NRXN3: variants seen among roughly 807,000 people sequenced by gnomAD.
NRXN3 encodes neurexin III.
In NRXN3, 32 loss-of-function variants were observed where a neutral mutation model predicts 137.6. The ratio of observed to expected loss-of-function variants is 0.23; its 90% CI spans 0.18 to 0.31. The LOEUF (loss-of-function observed/expected upper bound fraction) is 0.31. Among genes scored for constraint, NRXN3 ranks in the 10% least tolerant of loss-of-function variants. The pLI is 1.00. For synonymous variants in NRXN3, 798 were observed against 784.5 expected, an observed-to-expected ratio of 1.02 and a Z score of -0.29; for missense variants, 1,574 against 2,062.5, an observed-to-expected ratio of 0.76 and a Z score of 4.59.
intron 15 of NRXN3, among the ~76,000 whole-genome samples, chr14:79,133,750 C>A (rs2152973199): frequency 1.3e-5 from 2 of 151,698 alleles, no homozygotes; most frequent in South Asian, 4.2e-4. Context: ...ATGGTGAAAT[C>A]CTGTCTCTAC....
At chr14:78,964,958 C>T (rs1374566832) in intron 11 of NRXN3, among the ~76,000 whole-genome samples, 1 of 152,072 alleles carries the variant, frequency 6.6e-6, no homozygotes, top group East Asian at 1.9e-4. Flanking sequence ...GAGTCTATTG[C>T]CACACAGTTT....
rs71131691 is a variant in NRXN3 at position 79,272,216 on chromosome 14, G to GTT, written c.3263-194989_3263-194988dup. On this transcript the variant is annotated intron_variant, in intron 15 of 20. Coordinates refer to ENST00000335750, the MANE Select transcript of NRXN3 (RefSeq NM_001330195.2). Reference sequence around the variant, plus strand: ...TTGTGGCTGGTCTAATTTGGTTTAGGTTTTTTTTTTTTTTTTTCCTGTTAG... The same window carrying GTT: ...TTGTGGCTGGTCTAATTTGGTTTAGGTTTTTTTTTTTTTTTTTTTCCTGTTAG... Among the ~76,000 whole-genome samples, 1,156 of 132,494 alleles carry GTT rather than the reference G, an allele frequency of 8.7e-3. 7 individuals carry two copies. The highest frequency in any genetic ancestry group is 0.012 in the Middle Eastern group (3 of 256). 86.9% of individuals were successfully genotyped at this position (132,494 alleles called of 152,430 possible).
rs201051104 is a variant in NRXN3, at chr14:79,084,087, T to TA, written c.3262+95946_3262+95947insA. On this transcript the variant is annotated intron_variant, in intron 15 of 20. Coordinates refer to ENST00000335750, the MANE Select transcript of NRXN3 (RefSeq NM_001330195.2). ...ACCATGCCTGGTTAATTTATTTATTTTTTTTTTTGTAGAGATGGGGGCCTC... is the reference window on the plus strand; with the variant it reads ...ACCATGCCTGGTTAATTTATTTATTTATTTTTTTTGTAGAGATGGGGGCCTC... Among the ~76,000 whole-genome samples the TA allele has an allele frequency of 6.7e-4, 102 of 151,924 alleles. 1 individual carries two copies. The highest frequency in any genetic ancestry group is 1.1e-3 in the Non-Finnish European group (75 of 68,014).
At chr14:78,233,628 A>T (rs961537966) in intron 1 of NRXN3, among the ~76,000 whole-genome samples, 1 of 149,100 alleles carries the variant, frequency 6.7e-6, no homozygotes, top group Non-Finnish European at 1.5e-5. Flanking sequence ...ACTAGACAAA[A>T]TTCTATCCTG....
At chr14:79,206,993 G>C (rs1210767740) in intron 15 of NRXN3, among the ~76,000 whole-genome samples, 1 of 152,142 alleles carries the variant, frequency 6.6e-6, no homozygotes, top group African/African-American at 2.4e-5. Flanking sequence ...ATGTTAGCCT[G>C]TTCACAAACT....
At chr14:79,495,992 A>T (rs73341410) in intron 16 of NRXN3, among the ~76,000 whole-genome samples, 3,294 of 151,996 alleles carry the variant, frequency 0.022, 161 homozygotes, top group East Asian at 0.17. Context: ...TCCAGTCAAC[A>T]GAAACTTAAA....
chr14:78,472,821 A>T (rs571676281), intron 4 of NRXN3, among the ~76,000 whole-genome samples: 1 of 151,982 alleles, frequency 6.6e-6, no homozygotes, highest in South Asian at 2.1e-4. Flanking sequence ...TCCACTCCAC[A>T]CTCAGCAAAA....
At chr14:79,469,328 T>G (rs2096468953) in intron 16 of NRXN3, among the ~76,000 whole-genome samples, 2 of 152,190 alleles carry the variant, frequency 1.3e-5, no homozygotes. Context: ...TTAATAAAAT[T>G]GTCATGCAGA....
At chr14:79,600,053 T>C (rs2097905913) in intron 16 of NRXN3, among the ~76,000 whole-genome samples, 1 of 152,170 alleles carries the variant, frequency 6.6e-6, no homozygotes, top group Non-Finnish European at 1.5e-5. Flanking sequence ...CTATTACTAA[T>C]TTCTCTATTT....
At chr14:79,786,939 G>A (rs889815755) in intron 19 of NRXN3, among the ~76,000 whole-genome samples, 4 of 152,156 alleles carry the variant, frequency 2.6e-5, no homozygotes, top group Non-Finnish European at 5.9e-5. Context: ...GGCTAGTGTG[G>A]CCAAAGAATC....
intron 6 of NRXN3, among the ~76,000 whole-genome samples, chr14:78,657,046 CAAAAAAAAAAAAAAA>C (rs1174872709): frequency 1.6e-4 from 5 of 31,056 alleles, no homozygotes; most frequent in Admixed American, 5.6e-4. Flanking sequence ...GACTCCGTCT[CAAAAAAAAAAAAAAA>C]AAAAAAAAAA....
Position 78,956,790 on chromosome 14 carries a change from G to A in NRXN3, c.2276-452G>A, listed in dbSNP as rs78413194. ...ATATGTGTTGCAAAGTTCTTTTCTC[G>A]TCCTATTGGTGGATACTCTCTAAAA... is the stretch of plus-strand genomic sequence containing the variant. On this transcript the variant is annotated intron_variant, in intron 10 of 20. Coordinates refer to ENST00000335750, the MANE Select transcript of NRXN3 (RefSeq NM_001330195.2). Among the ~76,000 whole-genome samples the A allele has an allele frequency of 6.0e-3, 915 of 152,196 alleles. 14 individuals carry two copies. The highest frequency in any genetic ancestry group is 0.021 in the African/African-American group (862 of 41,518).
In NRXN3 at chr14:78,831,187, A is replaced by G. The variant is rs567153958; in HGVS notation, c.2275+20843A>G. Among the ~76,000 whole-genome samples the G allele has an allele frequency of 1.2e-4, 19 of 152,268 alleles. No individual in the cohort carries two copies. The East Asian group carries it at 3.3e-3, about 26-fold the overall frequency. ...TACTCTTGTAGCCTAAGCTGGTGAT[A>G]AGGCTTGGACTTTTAATTTCCAAAT... On this transcript the variant is annotated intron_variant, in intron 10 of 20. Coordinates refer to ENST00000335750, the MANE Select transcript of NRXN3 (RefSeq NM_001330195.2).
intron 16 of NRXN3, among the ~76,000 whole-genome samples, chr14:79,501,807 T>G (rs1202378126): frequency 1.3e-5 from 2 of 151,462 alleles, no homozygotes; most frequent in African/African-American, 4.8e-5. Flanking sequence ...CTAGGTTCAG[T>G]TAAAATGCTG....
intron 16 of NRXN3, among the ~76,000 whole-genome samples, chr14:79,594,642 C>T (rs1183529429): frequency 6.6e-6 from 1 of 151,830 alleles, no homozygotes. Flanking sequence ...TTTGTGGCTT[C>T]AAGAAATTCT....
At chr14:79,071,164 T>C (rs2099687162) in intron 15 of NRXN3, among the ~76,000 whole-genome samples, 1 of 152,170 alleles carries the variant, frequency 6.6e-6, no homozygotes, top group South Asian at 2.1e-4. Context: ...GTTGTGCTAT[T>C]CAGTGATGAA....
intron 10 of NRXN3, among the ~76,000 whole-genome samples, chr14:78,922,439 A>AATGTGTATC (rs1451179585): frequency 2.6e-5 from 4 of 152,214 alleles, no homozygotes; most frequent in Admixed American, 2.6e-4. Flanking sequence ...AACAGAAAAA[A>AATGTGTATC]ATGTGTATCA....
chr14:78,595,513 C>G (rs2097151486), intron 4 of NRXN3, among the ~76,000 whole-genome samples: 1 of 151,488 alleles, frequency 6.6e-6, no homozygotes, highest in Non-Finnish European at 1.5e-5. Context: ...CAAACTCTCC[C>G]TAAAGAGGTA....
chr14:79,826,012 TG>T (rs201302933), intron 20 of NRXN3, among the ~76,000 whole-genome samples: 2 of 150,638 alleles, frequency 1.3e-5, no homozygotes, highest in East Asian at 3.9e-4. Flanking sequence ...TTTTTTTTTG[TG>T]GGGGGACAGT....
Sources: allele counts gnomAD v4.1 joint callset (sites outside exome capture counted in the v4.1 genomes callset), GRCh38; gene constraint gnomAD v4.1.1; transcripts MANE v1.5; gene names NCBI Gene and HGNC (gene_info 2026-07-23, HGNC 2026-07-21).